THBS4: variants seen among roughly 807,000 people sequenced by gnomAD.
The protein encoded by THBS4 is thrombospondin 4.
In THBS4, 90 loss-of-function variants were observed where a neutral mutation model predicts 115.7. The observed-to-expected ratio is 0.78, with a 90% confidence interval of 0.66 to 0.93. THBS4 has a LOEUF of 0.93. Ranked by LOEUF, THBS4 falls within the 40% of genes least tolerant of loss-of-function variation. THBS4 has a pLI of 0.00. For missense variants in THBS4, 1,087 were observed against 1,232.7 expected, an observed-to-expected ratio of 0.88 and a Z score of 1.77; for synonymous variants, 460 against 479.3, an observed-to-expected ratio of 0.96 and a Z score of 0.53.
At chr5:80,082,356 T>A (rs1743554096) in intron 20 of THBS4, 50 bp from the exon 21 acceptor site, 1 of 1,606,556 alleles carries the variant, frequency 6.2e-7, no homozygotes, top group South Asian at 1.1e-5. Flanking sequence ...AGTGGGCACT[T>A]TACCCCGGGT....
In THBS4 at chr5:80,080,090, C is replaced by A. The variant is rs1743413858; in HGVS notation, c.2684+13C>A. ...TGGGCTACATCAGGTAGGTAGAGGC[C>A]CCATCTCCTTACCTTGCTCTAGAAG... On this transcript the variant is annotated intron_variant, in intron 20 of 21. Coordinates refer to ENST00000350881, the MANE Select transcript of THBS4 (RefSeq NM_003248.6). The A allele has an allele frequency of 1.9e-6, 3 of 1,611,070 alleles. No individual in the cohort carries two copies. Among genetic ancestry groups the A allele is most frequent in the Non-Finnish European group, 1.7e-6 (2 of 1,178,604 alleles).
intron 2 of THBS4, among the ~76,000 whole-genome samples, chr5:80,016,758 C>T (rs1008486508): frequency 7.9e-5 from 12 of 152,172 alleles, no homozygotes; most frequent in Admixed American, 7.2e-4. Context: ...GTGATTTGCA[C>T]TGCCCGCAGC....
At chr5:80,036,280 G>A (rs969082983) in intron 1 of THBS4, 1 of 818,118 alleles carries the variant, frequency 1.2e-6, no homozygotes, top group Non-Finnish European at 1.5e-6. Flanking sequence ...ATTAAGGCAG[G>A]AACAGAAAAG....
At chr5:80,065,121 A>T (rs1833767904) in intron 8 of THBS4, among the ~76,000 whole-genome samples, 1 of 152,212 alleles carries the variant, frequency 6.6e-6, no homozygotes, top group Non-Finnish European at 1.5e-5. Context: ...AGATTAAAAA[A>T]AAAAATAAAA....
intron 9 of THBS4, 58 bp downstream of exon 9, chr5:80,065,535 A>G (rs1833788058): frequency 1.1e-5 from 16 of 1,504,640 alleles, no homozygotes; most frequent in Non-Finnish European, 1.5e-5. Context: ...AAACAAGTGT[A>G]TGTTTATAGA....
intron 2 of THBS4, among the ~76,000 whole-genome samples, chr5:80,011,471 C>G (rs192455371): frequency 1.3e-4 from 20 of 152,208 alleles, no homozygotes; most frequent in African/African-American, 4.1e-4. Context: ...AGAAGGGATA[C>G]TGGGGAGCAA....
At chr5:80,079,773 T>A (rs1743396027) in intron 19 of THBS4, 132 bp from the exon 20 acceptor site, 1 of 917,994 alleles carries the variant, frequency 1.1e-6, no homozygotes, top group Non-Finnish European at 1.7e-6. Context: ...TTTAAGTGTT[T>A]ATGCTTTGTT....
chr5:80,041,190 T>C (rs145217986), intron 2 of THBS4, among the ~76,000 whole-genome samples: 2,119 of 152,238 alleles, frequency 0.014, 19 homozygotes, highest in Non-Finnish European at 0.02. Flanking sequence ...AGTTCCTGGA[T>C]TGTAGATGGC....
Position 80,035,535 on chromosome 5 carries a change from A to G in THBS4, c.-3A>G. On this transcript the variant is annotated 5_prime_UTR_variant, in exon 1 of 22. Coordinates refer to ENST00000350881, the MANE Select transcript of THBS4 (RefSeq NM_003248.6). The surrounding 1 kb of genome is among the most constrained non-coding windows in gnomAD (Gnocchi z 4.6). ...GGCCTCGCGGGGAGCAGGAAGAGCC[A>G]ACATGCTGGCCCCGCGCGGAGCCGC... 1.4e-6 allele frequency: 2 copies of G among 1,384,020 alleles called. No individual in the cohort carries two copies. The highest frequency in any genetic ancestry group is 1.9e-6 in the Non-Finnish European group (2 of 1,068,028). 85.7% of individuals were successfully genotyped at this position (1,384,020 alleles called of 1,614,324 possible). A position where few individuals can be genotyped will look rare whatever the true frequency, so the allele number is the denominator to read the frequency against.
chr5:80,038,354 T>C (rs1163977667), intron 1 of THBS4, among the ~76,000 whole-genome samples: 1 of 152,204 alleles, frequency 6.6e-6, no homozygotes, highest in East Asian at 1.9e-4. Flanking sequence ...ATCATGAACA[T>C]CTTTTCACAT....
intron 2 of THBS4, among the ~76,000 whole-genome samples, chr5:80,013,356 C>A (rs971008265): frequency 1.3e-5 from 2 of 151,146 alleles, no homozygotes; most frequent in Non-Finnish European, 2.9e-5. Context: ...TCAGGCTGGT[C>A]TCGAACTCCC....
chr5:80,028,624 A>C (rs1832526177), intron 2 of THBS4, among the ~76,000 whole-genome samples: 1 of 151,714 alleles, frequency 6.6e-6, no homozygotes, highest in African/African-American at 2.4e-5. Flanking sequence ...ATGCCCAGCT[A>C]ATTTTTGTAT....
chr5:80,083,021 G>A (rs896114503), intron 21 of THBS4, 59 bp from the exon 22 acceptor site: 19 of 1,506,122 alleles, frequency 1.3e-5, no homozygotes, highest in South Asian at 5.6e-5. Flanking sequence ...GCGGGCGGGG[G>A]TCCGGGGTCC....
intron 2 of THBS4, among the ~76,000 whole-genome samples, chr5:80,046,683 A>T (rs937487209): frequency 1.3e-5 from 2 of 152,246 alleles, no homozygotes; most frequent in African/African-American, 2.4e-5. Context: ...TCAGAAAAGA[A>T]TTGGATGAAG....
chr5:79,997,113 T>C (rs1831810519), intron 1 of THBS4, among the ~76,000 whole-genome samples: 1 of 146,726 alleles, frequency 6.8e-6, no homozygotes, highest in Admixed American at 6.9e-5. Flanking sequence ...AGTGGGGAGG[T>C]AGTCAGAGAG....
chr5:79,993,441 C>T (rs563242526), intron 1 of THBS4, among the ~76,000 whole-genome samples: 2 of 151,212 alleles, frequency 1.3e-5, no homozygotes, highest in South Asian at 4.2e-4. Context: ...GGTTAGTTGG[C>T]TCCTGTGCCT....
intron 2 of THBS4, among the ~76,000 whole-genome samples, chr5:80,015,174 G>A (rs1183540948): frequency 1.3e-5 from 2 of 152,248 alleles, no homozygotes; most frequent in Non-Finnish European, 2.9e-5. Context: ...GAAAAAAGGT[G>A]TAACCCTATC....
chr5:80,047,273 T>C (rs1833098652), intron 2 of THBS4, among the ~76,000 whole-genome samples: 1 of 152,254 alleles, frequency 6.6e-6, no homozygotes, highest in Non-Finnish European at 1.5e-5. Context: ...AGGCCACATC[T>C]AATACTGTGT....
Position 80,059,862 on chromosome 5 carries a change from A to G in THBS4, c.944A>G (p.Glu315Gly). ...RDGFQCGPCP[E>G]GYTGNGITCI... ...GGCTTCCAGTGTGGGCCCTGCCCCG[A>G]GGGCTACACAGGAAACGGGATCACC... Residue 315 changes from glutamate (E) to glycine (G), a missense_variant, in exon 7 of 22, where the codon GAG becomes GGG. By Grantham distance (98) the Glu-to-Gly change is moderately conservative (BLOSUM62 -2). Around this residue, in one of 3 missense-constraint regions of THBS4, gnomAD observed 979 missense variants for 1,103.7 expected, o/e 0.89. Transcript: ENST00000350881. 2 of 1,614,132 alleles carry G rather than the reference A, an allele frequency of 1.2e-6. No homozygotes were observed. Among genetic ancestry groups the G allele is most frequent in the Non-Finnish European group, 8.5e-7 (1 of 1,180,020 alleles).
Sources: allele counts gnomAD v4.1 joint callset (sites outside exome capture counted in the v4.1 genomes callset), GRCh38; gene constraint gnomAD v4.1.1; regional missense constraint gnomAD v4.1.1; non-coding constraint Gnocchi (gnomAD v3.1); transcripts MANE v1.5; gene names NCBI Gene and HGNC (gene_info 2026-07-23, HGNC 2026-07-21).